FAM118A: variants seen among roughly 807,000 people sequenced by gnomAD.
FAM118A encodes protein FAM118A.
In FAM118A, 25 loss-of-function variants were observed where a neutral mutation model predicts 38.2. The ratio of observed to expected loss-of-function variants is 0.65; its 90% CI spans 0.48 to 0.91. FAM118A has a LOEUF of 0.91. Ranked by LOEUF, FAM118A falls within the 40% of genes least tolerant of loss-of-function variation. The pLI, the probability that FAM118A is intolerant of heterozygous loss-of-function variation, is 0.00. For missense variants in FAM118A, 425 were observed against 463.3 expected (o/e 0.92, Z 0.76); for synonymous variants, 178 against 184.1 (o/e 0.97, Z 0.27).
At chr22:45,321,668 C>G (rs992910839) in intron 1 of FAM118A, 5 of 154,204 alleles carry the variant, frequency 3.2e-5, no homozygotes, top group African/African-American at 1.2e-4. Context: ...CCACCTTGGC[C>G]TCCCAAAATG....
chr22:45,330,505 A>G, intron 4 of FAM118A, 98 bp from the exon 5 acceptor site: 1 of 1,307,858 alleles, frequency 7.6e-7, no homozygotes, highest in Non-Finnish European at 1.0e-6. Flanking sequence ...TCTTTCCAAG[A>G]TAGGTTTAAA....
Position 45,336,308 on chromosome 22 carries a change from A to T in FAM118A, c.971-20A>T, listed in dbSNP as rs1466605899. 1 of 1,597,174 alleles carries T rather than the reference A, an allele frequency of 6.3e-7. No individual in the cohort carries two copies. The highest frequency in any genetic ancestry group is 1.3e-5 in the African/African-American group (1 of 74,608). On this transcript the variant is annotated intron_variant, in intron 7 of 8. Transcript: ENST00000441876. ...TGGATTCTGAATAAACAAGCTTCTT[A>T]ATAAATTCTTCTCTTTTAGGTAATG...
chr22:45,323,986 A>G lies in FAM118A; in HGVS notation c.300+559A>G, dbSNP rs117959638. ...CAGGCCATTGTTGTCCCCGTCAGCT[A>G]TGGCGTGTGGCCATAAAGGCTGGGA... On this transcript the variant is annotated intron_variant, in intron 3 of 8. Transcript: ENST00000441876. 2.7e-3 allele frequency among the ~76,000 whole-genome samples: 416 copies of G among 152,344 alleles called. 7 individuals are homozygous for G. The East Asian group carries it at 0.034, about 12-fold the overall frequency.
intron 1 of FAM118A, among the ~76,000 whole-genome samples, chr22:45,313,775 A>C (rs1357396490): frequency 6.6e-6 from 1 of 152,200 alleles, no homozygotes; most frequent in Non-Finnish European, 1.5e-5. Context: ...GTGGTAACCA[A>C]AATGTAATGA....
chr22:45,323,724 A>G (rs1402372393), intron 3 of FAM118A, among the ~76,000 whole-genome samples: 2 of 152,206 alleles, frequency 1.3e-5, no homozygotes, highest in Non-Finnish European at 2.9e-5. Flanking sequence ...GTGATTGTAT[A>G]TTCACTTAGT....
At chr22:45,339,871 CCTGTGAGAT>C (rs1210293039) in intron 8 of FAM118A, among the ~76,000 whole-genome samples, 2 of 152,140 alleles carry the variant, frequency 1.3e-5, no homozygotes, top group Non-Finnish European at 2.9e-5. Flanking sequence ...TTCTTCAATA[CCTGTGAGAT>C]CTGTGCTCCT....
At chr22:45,319,795 A>G (rs2084769742) in intron 1 of FAM118A, among the ~76,000 whole-genome samples, 1 of 152,080 alleles carries the variant, frequency 6.6e-6, no homozygotes, top group African/African-American at 2.4e-5. Flanking sequence ...ACTGATGTTA[A>G]CTCCTCAATG....
chr22:45,335,274 TCA>T (rs1223267804), intron 6 of FAM118A, 74 bp from the exon 7 acceptor site: 2 of 1,558,126 alleles, frequency 1.3e-6, no homozygotes, highest in Non-Finnish European at 1.8e-6. Flanking sequence ...CCGTTCCCAG[TCA>T]CTGCCTCAGG....
In FAM118A at chr22:45,341,651, G is replaced by C. The variant is rs2146738066; in HGVS notation, c.*1246G>C. On this transcript the variant is annotated 3_prime_UTR_variant, in exon 9 of 9. Transcript: ENST00000441876. ...CGGTGCCCGGGGAGCTTCTCTGACT[G>C]TGACCCGGCAGAGGCTTCTGTGGCG... is the stretch of plus-strand genomic sequence containing the variant. 1 of 152,384 alleles carries C rather than the reference G, an allele frequency of 6.6e-6. No homozygotes were observed. Among genetic ancestry groups the C allele is most frequent in the Non-Finnish European group, 1.5e-5 (1 of 68,094 alleles). The allele number at this position is 152,384 out of a possible 1,614,324, so 9.4% of individuals were successfully genotyped here.
At position 45,335,378 on chromosome 22, in the gene FAM118A, A is replaced by T. The variant is rs777115530; in HGVS notation, c.966A>T (p.Leu322Phe). 1.2e-6 allele frequency: 2 copies of T among 1,614,178 alleles called. No homozygotes were observed. The highest frequency in any genetic ancestry group is 2.2e-5 in the East Asian group (1 of 44,884). ...CTGATCGCGTGGACAGCACCACATT[A>T]TTGGGTAAAGCAGATCTTTCTTCTT... ...PDADRVDSTT[L>F]LGNACQDCAK... Residue 322 changes from leucine (L) to phenylalanine (F), a missense_variant, in exon 7 of 9, where the codon TTA becomes TTT. Transcript: ENST00000441876.
At chr22:45,323,463 G>C in intron 3 of FAM118A, 36 bp downstream of exon 3, 1 of 1,599,576 alleles carries the variant, frequency 6.3e-7, no homozygotes, top group Non-Finnish European at 8.5e-7. Context: ...GGGACAGCTT[G>C]GTTCTGCAGC....
chr22:45,331,185 A>G (rs1049414351), intron 5 of FAM118A, among the ~76,000 whole-genome samples: 11 of 152,078 alleles, frequency 7.2e-5, no homozygotes, highest in African/African-American at 2.4e-4. Context: ...TTGGCCTGGT[A>G]TAGTGGCTCA....
intron 7 of FAM118A, among the ~76,000 whole-genome samples, chr22:45,336,079 G>A (rs1301880337): frequency 5.3e-5 from 8 of 152,220 alleles, no homozygotes; most frequent in East Asian, 3.8e-4. Context: ...GTATGAAACC[G>A]CCGCAGTCGG....
intron 1 of FAM118A, among the ~76,000 whole-genome samples, chr22:45,314,963 C>T (rs745732117): frequency 6.6e-5 from 10 of 152,170 alleles, no homozygotes; most frequent in Non-Finnish European, 1.3e-4. Context: ...CACTATCGGC[C>T]TTGGCCAGGC....
At chr22:45,323,573 C>A in intron 3 of FAM118A, 146 bp downstream of exon 3, 2 of 1,053,922 alleles carry the variant, frequency 1.9e-6, no homozygotes, top group Non-Finnish European at 1.3e-6. Flanking sequence ...TCCTTGAGTC[C>A]ATCGGGGTGT....
Position 45,332,488 on chromosome 22 carries a change from C to T in FAM118A, c.715C>T (p.Arg239Cys), listed in dbSNP as rs1380856082. ...FLFVGCGETL[R>C]DQIFQALFLY... ...GTTTGTGGGCTGTGGGGAGACCCTT[C>T]GTGATCAGATATTCCAGGCCCTCTT... Residue 239 changes from arginine (R) to cysteine (C), a missense_variant, in exon 6 of 9, where the codon CGT (arginine) becomes TGT (cysteine). Physicochemically the swap from Arg to Cys is radical, Grantham distance 180. Coordinates refer to ENST00000441876, the MANE Select transcript of FAM118A (RefSeq NM_017911.4). The T allele has an allele frequency of 3.1e-6, 5 of 1,614,204 alleles. No individual in the cohort carries two copies. Among genetic ancestry groups the T allele is most frequent in the African/African-American group, 1.3e-5 (1 of 75,064 alleles).
Position 45,322,434 on chromosome 22 carries a change from A to G in FAM118A, c.47+8A>G. On this transcript the variant is annotated splice_region_variant and intron_variant, in intron 2 of 8. Coordinates refer to ENST00000441876, the MANE Select transcript of FAM118A (RefSeq NM_017911.4). ...AAGTGAACAAAAATCCAGGTAATTAAAGGCAACTATACCTTCAAGCAGCTT... is the reference window on the plus strand; with the variant it reads ...AAGTGAACAAAAATCCAGGTAATTAGAGGCAACTATACCTTCAAGCAGCTT... 1 of 1,608,860 alleles carries G rather than the reference A, an allele frequency of 6.2e-7. No individual in the cohort carries two copies. The highest frequency in any genetic ancestry group is 8.5e-7 in the Non-Finnish European group (1 of 1,177,994).
intron 1 of FAM118A, among the ~76,000 whole-genome samples, chr22:45,320,489 TGCAGTG>T: frequency 6.6e-6 from 1 of 151,638 alleles, no homozygotes; most frequent in Admixed American, 6.6e-5. Flanking sequence ...CAGGCTGGAG[TGCAGTG>T]GCACAGTCGT....
intron 4 of FAM118A, 139 bp from the exon 5 acceptor site, chr22:45,330,464 A>G (rs7285172): frequency 0.87 from 815,877 of 934,070 alleles, 357,079 homozygotes; most frequent in African/African-American, 0.95. Context: ...TTTTGAAGGT[A>G]TAAGTGTAAA....
Sources: allele counts gnomAD v4.1 joint callset (sites outside exome capture counted in the v4.1 genomes callset), GRCh38; gene constraint gnomAD v4.1.1; transcripts MANE v1.5; gene names NCBI Gene and HGNC (gene_info 2026-07-23, HGNC 2026-07-21).